GBE1: variants seen among roughly 807,000 people sequenced by gnomAD.
GBE1 encodes 1,4-alpha-glucan branching enzyme 1, also known as 1,4-alpha-glucan-branching enzyme.
In GBE1, 70 loss-of-function variants were observed where a neutral mutation model predicts 88.8. That is an observed-to-expected ratio of 0.79 (90% CI 0.65 to 0.96). GBE1 has a LOEUF of 0.96. GBE1 is among the 40% of genes least tolerant of loss of function. The pLI, the probability that GBE1 is intolerant of heterozygous loss-of-function variation, is 0.00. For missense variants in GBE1, 872 were observed against 871.0 expected (o/e 1.00, Z -0.01); for synonymous variants, 284 against 300.1 (o/e 0.95, Z 0.56).
intron 7 of GBE1, among the ~76,000 whole-genome samples, chr3:81,601,769 T>C (rs767723472): frequency 6.6e-6 from 1 of 152,228 alleles, no homozygotes; most frequent in African/African-American, 2.4e-5. Flanking sequence ...GATAAGCATG[T>C]TTAAGCTAAC....
chr3:81,617,375 C>T (rs1704262369), intron 7 of GBE1, among the ~76,000 whole-genome samples: 1 of 151,934 alleles, frequency 6.6e-6, no homozygotes, highest in South Asian at 2.1e-4. Context: ...CAGTTTTTAA[C>T]AGATCTTCTT....
rs76746942 is a variant in GBE1, at chr3:81,521,627, A to C, written c.1934+13568T>G. ...CTTAAAGCTAAGCTTGGAACAACAA[A>C]AAGTTAAAAGAAGAGATCCATTTGC... is the stretch of plus-strand genomic sequence containing the variant. On this transcript the variant is annotated intron_variant, in intron 14 of 15. Transcript: ENST00000429644. 9.1e-3 allele frequency among the ~76,000 whole-genome samples: 1,376 copies of C among 151,660 alleles called. 11 individuals carry two copies. The highest frequency in any genetic ancestry group is 0.027 in the Middle Eastern group (8 of 294).
At chr3:81,605,822 C>T (rs977603080) in intron 7 of GBE1, among the ~76,000 whole-genome samples, 8 of 152,132 alleles carry the variant, frequency 5.3e-5, no homozygotes, top group Non-Finnish European at 1.2e-4. Context: ...ATGGGCATGG[C>T]TATATTTCAA....
At chr3:81,526,597 T>G (rs188176315) in intron 14 of GBE1, among the ~76,000 whole-genome samples, 2 of 151,982 alleles carry the variant, frequency 1.3e-5, no homozygotes, top group East Asian at 3.9e-4. Context: ...GAGAGCCAAA[T>G]CATGAGTGAA....
intron 14 of GBE1, among the ~76,000 whole-genome samples, chr3:81,500,324 C>T (rs1015360166): frequency 6.6e-6 from 1 of 151,944 alleles, no homozygotes; most frequent in Non-Finnish European, 1.5e-5. Context: ...CTCAATATAG[C>T]TGAAAATGAT....
At chr3:81,672,770 C>CA (rs996664608) in intron 2 of GBE1, among the ~76,000 whole-genome samples, 8 of 151,738 alleles carry the variant, frequency 5.3e-5, no homozygotes, top group Non-Finnish European at 8.9e-5. Flanking sequence ...ATGGCATTAA[C>CA]AAAAAATCAA....
At chr3:81,645,246 C>T (rs956702159) in intron 6 of GBE1, among the ~76,000 whole-genome samples, 2 of 151,802 alleles carry the variant, frequency 1.3e-5, no homozygotes, top group Non-Finnish European at 2.9e-5. Context: ...ATTATTGGGA[C>T]GTCCAATATT....
chr3:81,617,580 T>C (rs1704265289), intron 7 of GBE1, among the ~76,000 whole-genome samples: 1 of 152,006 alleles, frequency 6.6e-6, no homozygotes, highest in African/African-American at 2.4e-5. Context: ...TACTTGGTTA[T>C]GGTGTATAAT....
intron 5 of GBE1, among the ~76,000 whole-genome samples, chr3:81,648,322 C>T (rs1266296321): frequency 6.6e-6 from 1 of 152,038 alleles, no homozygotes; most frequent in East Asian, 1.9e-4. Flanking sequence ...CTTTACTCTC[C>T]TGTTTGTTAT....
At chr3:81,620,665 G>T (rs530999248) in intron 7 of GBE1, among the ~76,000 whole-genome samples, 17 of 151,962 alleles carry the variant, frequency 1.1e-4, no homozygotes, top group Admixed American at 3.9e-4. Context: ...AAATGGGGAG[G>T]GTTTTTATTT....
chr3:81,651,565 T>TA (rs527974130), intron 3 of GBE1, among the ~76,000 whole-genome samples: 108 of 148,432 alleles, frequency 7.3e-4, no homozygotes, highest in African/African-American at 1.9e-3. Context: ...ATTTTAAGCT[T>TA]AAAAAAAAAA....
chr3:81,491,464 A>T (rs957317608), intron 15 of GBE1, among the ~76,000 whole-genome samples: 2 of 152,216 alleles, frequency 1.3e-5, no homozygotes, highest in Non-Finnish European at 2.9e-5. Context: ...CAAAGGAATA[A>T]TAGTGGATCA....
Position 81,646,458 on chromosome 3 carries a change from G to A in GBE1, c.716C>T (p.Ala239Val). The part of the protein sequence containing the change: ...GLGYNCIQLM[A>V]IMEHAYYASF... ...GGCATAGTAAGCATGCTCCATGATT[G>A]CCATCAACTGAATGCAGTTGTATCC... Residue 239 changes from alanine to valine, a missense_variant, in exon 6 of 16, where the codon GCA becomes GTA. Coordinates refer to ENST00000429644, the MANE Select transcript of GBE1 (RefSeq NM_000158.4). The A allele has an allele frequency of 6.2e-7, 1 of 1,600,232 alleles. No homozygotes were observed. The highest frequency in any genetic ancestry group is 8.5e-7 in the Non-Finnish European group (1 of 1,172,214).
chr3:81,580,794 A>G (rs1212773612), intron 11 of GBE1, among the ~76,000 whole-genome samples: 1 of 152,098 alleles, frequency 6.6e-6, no homozygotes, highest in Non-Finnish European at 1.5e-5. Context: ...GCATAAAAGA[A>G]TACCTCTAGA....
chr3:81,737,365 ATT>A (rs1553695467), intron 1 of GBE1, among the ~76,000 whole-genome samples: 18 of 35,052 alleles, frequency 5.1e-4, no homozygotes, highest in East Asian at 4.5e-3. Flanking sequence ...ATATTTATAT[ATT>A]TATATATATT....
At chr3:81,657,191 T>C (rs1275330342) in intron 3 of GBE1, among the ~76,000 whole-genome samples, 1 of 151,164 alleles carries the variant, frequency 6.6e-6, no homozygotes, top group African/African-American at 2.4e-5. Flanking sequence ...ACAGTTTTTA[T>C]ACCTAGCCTT....
chr3:81,757,078 G>A (rs536852208), intron 1 of GBE1, among the ~76,000 whole-genome samples: 1 of 152,250 alleles, frequency 6.6e-6, no homozygotes, highest in African/African-American at 2.4e-5. Flanking sequence ...TTTCTTGTGT[G>A]TGGACAAAAT....
At position 81,702,109 on chromosome 3, in the gene GBE1, GT is replaced by G. The variant is rs1236111847; in HGVS notation, c.313+3334del. 3.1e-4 allele frequency among the ~76,000 whole-genome samples: 3 copies of G among 9,766 alleles called. No homozygotes were observed. In the African/African-American group the frequency reaches 4.1e-3, roughly 13 times the overall value. 6.4% of individuals were successfully genotyped at this position (9,766 alleles called of 152,430 possible). Reference sequence around the variant, plus strand: ...AGAGAGAGAGAGAGAGAGAGTGTGTGTGTGTGTGTGTGTGTGTGTGTGTGTG... The same window carrying G: ...AGAGAGAGAGAGAGAGAGAGTGTGTGGTGTGTGTGTGTGTGTGTGTGTGTG... On this transcript the variant is annotated intron_variant, in intron 2 of 15. Coordinates refer to ENST00000429644, the MANE Select transcript of GBE1 (RefSeq NM_000158.4).
At chr3:81,685,775 A>G (rs1705428567) in intron 2 of GBE1, among the ~76,000 whole-genome samples, 1 of 152,158 alleles carries the variant, frequency 6.6e-6, no homozygotes, top group African/African-American at 2.4e-5. Context: ...CAGCATTCAA[A>G]TAGGATGAAT....
Sources: gnomAD v4.1 joint callset for allele counts (sites outside exome capture counted in the v4.1 genomes callset) on GRCh38, gnomAD v4.1.1 for gene constraint, MANE v1.5 for transcripts, NCBI Gene and HGNC (gene_info 2026-07-23, HGNC 2026-07-21) for gene names.